The following SLC22A25 variants were observed in gnomAD, a reference collection of about 807,000 sequenced individuals.
SLC22A25 encodes MGI:2442751, MGI:2385316, MGI:3042283, MGI:3645714, MGI:3605624, MGI:2442750.
In SLC22A25, 44 loss-of-function variants were observed where a neutral mutation model predicts 45.9. That is an observed-to-expected ratio of 0.96 (90% CI 0.75 to 1.23). SLC22A25 has a LOEUF of 1.23. SLC22A25 is among the 50% of genes most tolerant of loss of function. The pLI, the probability that SLC22A25 is intolerant of heterozygous loss-of-function variation, is 0.00. For synonymous variants in SLC22A25, 283 were observed against 238.6 expected (o/e 1.19, Z -1.72); for missense variants, 800 against 666.4 (o/e 1.20, Z -2.21).
In SLC22A25 at chr11:63,200,297, C is replaced by T. The variant is rs182332902; in HGVS notation, c.831-16480G>A. 8.3e-4 allele frequency among the ~76,000 whole-genome samples: 124 copies of T among 149,234 alleles called. 1 individual carries two copies. Among genetic ancestry groups the T allele is most frequent in the African/African-American group, 2.9e-3 (116 of 40,498 alleles). Reference sequence around the variant, plus strand: ...CAGAATCCAGCAGCACATTGAAAAGCTTATCCAGCATGATCTAGTAGACTT... The same window carrying T: ...CAGAATCCAGCAGCACATTGAAAAGTTTATCCAGCATGATCTAGTAGACTT... On this transcript the variant is annotated intron_variant, in intron 7 of 11. Coordinates refer to ENST00000306494, the MANE Select transcript of SLC22A25 (RefSeq NM_199352.6).
At position 63,238,882 on chromosome 11, in the gene SLC22A25, A is replaced by G. The variant is rs2090205107; in HGVS notation, c.-742T>C. ...TTTCTGTGGCCTCAGGTTTGAGTCCAGTGAGATAGAGATTCTCAGGAGGGC... is the reference window on the plus strand; with the variant it reads ...TTTCTGTGGCCTCAGGTTTGAGTCCGGTGAGATAGAGATTCTCAGGAGGGC... On this transcript the variant is annotated 5_prime_UTR_variant, in exon 2 of 12. Coordinates refer to ENST00000306494, the MANE Select transcript of SLC22A25 (RefSeq NM_199352.6). 2 of 238,562 alleles carry G rather than the reference A, an allele frequency of 8.4e-6. No homozygotes were observed. Among genetic ancestry groups the G allele is most frequent in the Admixed American group, 8.4e-5 (2 of 23,892 alleles). 14.8% of individuals were successfully genotyped at this position (238,562 alleles called of 1,614,324 possible).
intron 7 of SLC22A25, among the ~76,000 whole-genome samples, chr11:63,189,996 C>T (rs1216266702): frequency 2.0e-5 from 3 of 152,278 alleles, no homozygotes; most frequent in African/African-American, 4.8e-5. Context: ...TTCATTTCAA[C>T]TTTGGTGAAT....
chr11:63,229,555 T>C lies in SLC22A25; in HGVS notation c.98A>G (p.His33Arg), dbSNP rs139712358. The C allele has an allele frequency of 1.9e-6, 3 of 1,614,000 alleles. No individual in the cohort carries two copies. Among genetic ancestry groups the C allele is most frequent in the African/African-American group, 1.3e-5 (1 of 74,924 alleles). ...TGCGAAGTTCTCCAGCTGAGTTTGATGGTATACTATGACGTTGAACATTAT... is the reference window on the plus strand; with the variant it reads ...TGCGAAGTTCTCCAGCTGAGTTTGACGGTATACTATGACGTTGAACATTAT... Reference protein sequence around the residue: ...FLIMFNVIVYHQTQLENFAAF... With the variant: ...FLIMFNVIVYRQTQLENFAAF... Residue 33 changes from histidine to arginine, a missense_variant, in exon 4 of 12, where the codon CAT becomes CGT. Transcript: ENST00000306494.
At chr11:63,193,522 G>A (rs2088889758) in intron 7 of SLC22A25, among the ~76,000 whole-genome samples, 1 of 152,248 alleles carries the variant, frequency 6.6e-6, no homozygotes, top group Admixed American at 6.5e-5. Flanking sequence ...GGCAAACAGG[G>A]TCTGGAGTGG....
intron 2 of SLC22A25, among the ~76,000 whole-genome samples, chr11:63,238,447 A>G (rs1228839424): frequency 1.3e-5 from 2 of 152,206 alleles, no homozygotes; most frequent in Non-Finnish European, 1.5e-5. Context: ...TTCGGCATAC[A>G]ATTTATAACA....
intron 9 of SLC22A25, among the ~76,000 whole-genome samples, chr11:63,180,436 T>G (rs1336899491): frequency 2.0e-5 from 3 of 152,194 alleles, no homozygotes; most frequent in African/African-American, 7.2e-5. Flanking sequence ...AAGTCTCCAC[T>G]GATGAGCCTG....
At chr11:63,195,598 C>T (rs369187974) in intron 7 of SLC22A25, among the ~76,000 whole-genome samples, 80 of 152,168 alleles carry the variant, frequency 5.3e-4, no homozygotes, top group Non-Finnish European at 9.7e-4. Flanking sequence ...GGGACACATT[C>T]AAAGCAGTGT....
At chr11:63,183,922 T>C (rs1419272272) in intron 7 of SLC22A25, 105 bp from the exon 8 acceptor site, 2 of 1,485,872 alleles carry the variant, frequency 1.3e-6, no homozygotes, top group Non-Finnish European at 1.8e-6. Context: ...TACCCACCTC[T>C]TGTTTGGTTA....
intron 1 of SLC22A25, chr11:63,243,182 T>C (rs1358436420): frequency 4.6e-6 from 1 of 216,774 alleles, no homozygotes; most frequent in African/African-American, 2.3e-5. Flanking sequence ...CTGCTTGCTA[T>C]CAAGAAGCGC....
intron 11 of SLC22A25, among the ~76,000 whole-genome samples, chr11:63,164,290 A>C (rs2087604043): frequency 6.6e-6 from 1 of 152,240 alleles, no homozygotes; most frequent in Admixed American, 6.5e-5. Context: ...ATTTTCCTTA[A>C]CATCAACCTT....
chr11:63,206,618 T>A (rs2089411152), intron 7 of SLC22A25, among the ~76,000 whole-genome samples: 1 of 152,154 alleles, frequency 6.6e-6, no homozygotes, highest in African/African-American at 2.4e-5. Flanking sequence ...TGCAAACCAC[T>A]GCTCAAGGAA....
At chr11:63,230,339 T>C (rs1055757576) in intron 3 of SLC22A25, among the ~76,000 whole-genome samples, 8 of 152,310 alleles carry the variant, frequency 5.3e-5, no homozygotes, top group African/African-American at 1.9e-4. Flanking sequence ...TAAGCTCATA[T>C]GGAGGTTTAC....
At chr11:63,186,538 CTT>C (rs2088556255) in intron 7 of SLC22A25, among the ~76,000 whole-genome samples, 2 of 152,082 alleles carry the variant, frequency 1.3e-5, no homozygotes, top group South Asian at 4.2e-4. Flanking sequence ...TGCAGAAGCT[CTT>C]TAGTTTAATT....
chr11:63,193,756 C>T (rs1247796558), intron 7 of SLC22A25, among the ~76,000 whole-genome samples: 1 of 152,212 alleles, frequency 6.6e-6, no homozygotes, highest in Non-Finnish European at 1.5e-5. Context: ...TGCCTCTTCT[C>T]CTCCAAAGGA....
At chr11:63,185,537 T>TTTTATTA (rs879879434) in intron 7 of SLC22A25, among the ~76,000 whole-genome samples, 4,445 of 150,340 alleles carry the variant, frequency 0.03, 100 homozygotes, top group Middle Eastern at 0.051. Flanking sequence ...TATTTTTATT[T>TTTTATTA]TTTATTTATT....
chr11:63,242,256 A>ACTT (rs1310131710), intron 1 of SLC22A25, among the ~76,000 whole-genome samples: 2 of 152,296 alleles, frequency 1.3e-5, no homozygotes, highest in East Asian at 3.9e-4. Context: ...CCACATACTA[A>ACTT]CTTTAATATA....
intron 9 of SLC22A25, among the ~76,000 whole-genome samples, chr11:63,169,246 T>G (rs140674793): frequency 1.3e-5 from 2 of 152,120 alleles, no homozygotes; most frequent in African/African-American, 4.8e-5. Context: ...TGATGCTATG[T>G]AGAAACTGCA....
chr11:63,233,847 A>T (rs901996952), intron 3 of SLC22A25, among the ~76,000 whole-genome samples: 9 of 152,000 alleles, frequency 5.9e-5, no homozygotes, highest in African/African-American at 2.2e-4. Context: ...CTTTGTTCTC[A>T]TTGGTTTCAA....
intron 5 of SLC22A25, among the ~76,000 whole-genome samples, chr11:63,222,424 T>C (rs2089873152): frequency 6.6e-6 from 1 of 152,108 alleles, no homozygotes; most frequent in African/African-American, 2.4e-5. Context: ...TTCCAGGTTT[T>C]TCACTGTTGG....
Sources: gnomAD v4.1 joint callset for allele counts (sites outside exome capture counted in the v4.1 genomes callset) on GRCh38, gnomAD v4.1.1 for gene constraint, MANE v1.5 for transcripts, NCBI Gene and HGNC (gene_info 2026-07-23, HGNC 2026-07-21) for gene names.